RYR3: variants seen among roughly 807,000 people sequenced by gnomAD.
RYR3 encodes brain ryanodine receptor-calcium release channel.
RYR3 carries 207 observed loss-of-function variants against 584.3 expected under a neutral mutation model. The observed-to-expected ratio is 0.35, with a 90% CI of 0.32 to 0.40. RYR3 has a LOEUF of 0.40. Among genes scored for constraint, RYR3 ranks in the 10% least tolerant of loss-of-function variants. The pLI is 1.00. For synonymous variants in RYR3, 2,416 were observed against 2,248.5 expected, an observed-to-expected ratio of 1.07 and a Z score of -2.11; for missense variants, 5,616 against 6,089.2, an observed-to-expected ratio of 0.92 and a Z score of 2.59.
At chr15:33,810,369 C>T (rs2076455905) in intron 70 of RYR3, 110 bp from the exon 71 acceptor site, 1 of 1,038,342 alleles carries the variant, frequency 9.6e-7, no homozygotes. Flanking sequence ...TGTAGTAAGG[C>T]CCACCCTATA....
intron 1 of RYR3, among the ~76,000 whole-genome samples, chr15:33,454,365 G>T (rs981878010): frequency 1.1e-4 from 16 of 152,194 alleles, no homozygotes; most frequent in Non-Finnish European, 1.8e-4. Flanking sequence ...TCCCCATACA[G>T]TAGCCTGGGC....
Position 33,739,985 on chromosome 15 carries a change from A to G in RYR3, c.7810A>G (p.Asn2604Asp). The G allele has an allele frequency of 6.2e-7, 1 of 1,613,836 alleles. No individual in the cohort carries two copies. The highest frequency in any genetic ancestry group is 1.1e-5 in the South Asian group (1 of 91,042). ...TGGCAACTTTGACCCAAAACCTATT[A>G]ACACCATGAAGTGAGTCCAGAATCA... ...ADGNFDPKPINTMNFSLPEKL... is the reference protein window; with the variant it reads ...ADGNFDPKPIDTMNFSLPEKL... The change falls in exon 51 of 104, where the codon AAC becomes GAC. Residue 2604 changes from asparagine to aspartate, a missense_variant. Asn to Asp is a conservative substitution (Grantham distance 23, BLOSUM62 1). Around this residue, in one of 9 missense-constraint regions of RYR3, gnomAD observed 1,280 missense variants for 1,426.2 expected, o/e 0.90. Coordinates refer to ENST00000634891, the MANE Select transcript of RYR3 (RefSeq NM_001036.6).
At chr15:33,701,598 G>A (rs548612523) in intron 42 of RYR3, among the ~76,000 whole-genome samples, 3 of 152,172 alleles carry the variant, frequency 2.0e-5, no homozygotes, top group African/African-American at 4.8e-5. Context: ...CCGGAGGGCT[G>A]ACAGGATTCA....
intron 1 of RYR3, among the ~76,000 whole-genome samples, chr15:33,351,987 A>G (rs1973335721): frequency 6.6e-6 from 1 of 152,192 alleles, no homozygotes; most frequent in Non-Finnish European, 1.5e-5. Context: ...TGCAGATGAC[A>G]TGATTGTATA....
At chr15:33,603,448 C>G in intron 18 of RYR3, 84 bp downstream of exon 18, 1 of 1,382,934 alleles carries the variant, frequency 7.2e-7, no homozygotes, top group Non-Finnish European at 9.8e-7. Context: ...TGACCACTTC[C>G]ATTTGAAATG....
At chr15:33,361,401 G>T (rs186115228) in intron 1 of RYR3, among the ~76,000 whole-genome samples, 77 of 152,316 alleles carry the variant, frequency 5.1e-4, no homozygotes, top group Admixed American at 4.4e-3. Context: ...ACCTAACCAT[G>T]CATGGGCCGT....
At chr15:33,362,665 T>C (rs781237315) in intron 1 of RYR3, among the ~76,000 whole-genome samples, 2 of 152,222 alleles carry the variant, frequency 1.3e-5, no homozygotes, top group Admixed American at 1.3e-4. Flanking sequence ...AGTGTTTGAA[T>C]TGAGCTGGAT....
intron 69 of RYR3, among the ~76,000 whole-genome samples, chr15:33,805,210 A>G (rs867325049): frequency 7.9e-5 from 12 of 152,318 alleles, no homozygotes; most frequent in African/African-American, 2.6e-4. Context: ...GAATGTGTTC[A>G]GCCCAAGAAA....
intron 1 of RYR3, among the ~76,000 whole-genome samples, chr15:33,389,620 A>G (rs985131510): frequency 4.6e-5 from 7 of 152,234 alleles, no homozygotes; most frequent in Non-Finnish European, 7.3e-5. Flanking sequence ...CAATTATGAC[A>G]TCTATGGAAA....
In RYR3 at chr15:33,804,017, A is replaced by G. The variant is rs748952866; in HGVS notation, c.10011+2056A>G. Among the ~76,000 whole-genome samples, 55 of 152,200 alleles carry G rather than the reference A, an allele frequency of 3.6e-4. 1 individual carries two copies. Among genetic ancestry groups the G allele is most frequent in the Admixed American group, 8.5e-4 (13 of 15,286 alleles). ...TCCTTGGGTTTACATTTGGACAAAG[A>G]TGAGGTAGCAGAAAATGGCATTTCA... On this transcript the variant is annotated intron_variant, in intron 69 of 103. Coordinates refer to ENST00000634891, the MANE Select transcript of RYR3 (RefSeq NM_001036.6).
At position 33,696,241 on chromosome 15, in the gene RYR3, C is replaced by T. The variant is rs1351315254; in HGVS notation, c.5884C>T (p.Gln1962Ter). ...CPTTLKELIS[Q>*]TMICWAQEDQ... ...AGCAACATTGAAGGAACTCATCTCA[C>T]AGACGATGATCTGCTGGGCCCAGGA... The change falls in exon 39 of 104, where the codon CAG (glutamine) becomes TAG (stop). Residue 1962 changes from glutamine to a stop codon, truncating the protein, a stop_gained. Coordinates refer to ENST00000634891, the MANE Select transcript of RYR3 (RefSeq NM_001036.6). LOFTEE classifies it high-confidence loss of function. 1 of 1,613,594 alleles carries T rather than the reference C, an allele frequency of 6.2e-7. No homozygotes were observed. Among genetic ancestry groups the T allele is most frequent in the African/African-American group, 1.3e-5 (1 of 74,854 alleles).
chr15:33,791,605 A>G (rs139496268), intron 67 of RYR3, among the ~76,000 whole-genome samples: 2 of 152,312 alleles, frequency 1.3e-5, no homozygotes, highest in East Asian at 3.9e-4. Context: ...ACCCGGTAGC[A>G]TTAAGAGATC....
chr15:33,447,304 T>G (rs1280308002), intron 1 of RYR3, among the ~76,000 whole-genome samples: 1 of 152,166 alleles, frequency 6.6e-6, no homozygotes, highest in East Asian at 1.9e-4. Context: ...ATTCAGCCAG[T>G]AGCCATTAGG....
At chr15:33,391,625 CAA>C (rs5811755) in intron 1 of RYR3, among the ~76,000 whole-genome samples, 18,582 of 128,366 alleles carry the variant, frequency 0.14, 1,202 homozygotes, top group South Asian at 0.36. Context: ...GACTCTGTCT[CAA>C]AAAAAAAAAA....
intron 36 of RYR3, among the ~76,000 whole-genome samples, chr15:33,664,575 A>ATATG (rs1555399431): frequency 1.0e-5 from 1 of 98,652 alleles, no homozygotes; most frequent in Non-Finnish European, 2.1e-5. Context: ...ATATAGATAT[A>ATATG]TGTGTGTGTG....
intron 67 of RYR3, among the ~76,000 whole-genome samples, chr15:33,790,645 G>A (rs1336124353): frequency 6.6e-6 from 1 of 152,114 alleles, no homozygotes; most frequent in Non-Finnish European, 1.5e-5. Flanking sequence ...AATGTTGAAT[G>A]GACAATTGCA....
chr15:33,732,402 A>T (rs968385101), intron 48 of RYR3, among the ~76,000 whole-genome samples: 3 of 141,738 alleles, frequency 2.1e-5, no homozygotes, highest in African/African-American at 5.2e-5. Flanking sequence ...AAAAAAAAAA[A>T]GCGACCTACC....
intron 1 of RYR3, among the ~76,000 whole-genome samples, chr15:33,387,078 C>T (rs2596201): frequency 0.75 from 113,376 of 151,854 alleles, 42,490 homozygotes; most frequent in Non-Finnish European, 0.78. Flanking sequence ...AGGATGGTCT[C>T]GATCTCCTGA....
intron 3 of RYR3, among the ~76,000 whole-genome samples, chr15:33,527,324 T>TA: frequency 6.6e-6 from 1 of 152,302 alleles, no homozygotes; most frequent in East Asian, 1.9e-4. Flanking sequence ...CTCACTCCTG[T>TA]AATCCCAGCA....
Sources: gnomAD v4.1 joint callset for allele counts (sites outside exome capture counted in the v4.1 genomes callset) on GRCh38, gnomAD v4.1.1 for gene constraint, gnomAD v4.1.1 regional missense constraint, MANE v1.5 for transcripts, NCBI Gene and HGNC (gene_info 2026-07-23, HGNC 2026-07-21) for gene names.